FNIP1: variants seen among roughly 807,000 people sequenced by gnomAD.
FNIP1 encodes the protein folliculin-interacting protein 1.
FNIP1 carries 40 observed loss-of-function variants against 124.5 expected under a neutral mutation model. The observed-to-expected ratio is 0.32, with a 90% CI of 0.25 to 0.42. FNIP1 has a LOEUF of 0.42. FNIP1 is among the 10% of genes least tolerant of loss of function. The pLI, the probability that FNIP1 is intolerant of heterozygous loss-of-function variation, is 1.00. For synonymous variants in FNIP1, 472 were observed against 470.6 expected, an observed-to-expected ratio of 1.00 and a Z score of -0.04; for missense variants, 1,176 against 1,403.7, an observed-to-expected ratio of 0.84 and a Z score of 2.59.
At chr5:131,755,435 C>G in intron 1 of FNIP1, among the ~76,000 whole-genome samples, 1 of 140,832 alleles carries the variant, frequency 7.1e-6, no homozygotes. Context: ...AAAAAAAAAA[C>G]GAAGAAGAAG....
At chr5:131,747,389 T>C (rs1206230992) in intron 1 of FNIP1, among the ~76,000 whole-genome samples, 1 of 152,190 alleles carries the variant, frequency 6.6e-6, no homozygotes, top group Non-Finnish European at 1.5e-5. Context: ...AATGTCTGTG[T>C]GCTAGTAAAT....
At position 131,771,069 on chromosome 5, in the gene FNIP1, C is replaced by T. The variant is rs141295268; in HGVS notation, c.92+25761G>A. Among the ~76,000 whole-genome samples, 1,342 of 152,184 alleles carry T rather than the reference C, an allele frequency of 8.8e-3. 24 individuals are homozygous for T. Among genetic ancestry groups the T allele is most frequent in the African/African-American group, 0.031 (1,274 of 41,494 alleles). The stretch of plus-strand genomic sequence containing the variant: ...CGTCATCTAGCATTAGGTATATCTC[C>T]CAACGCTATCCCTCCCCACTCCCCA... On this transcript the variant is annotated intron_variant, in intron 1 of 17. Transcript: ENST00000510461.
intron 1 of FNIP1, among the ~76,000 whole-genome samples, chr5:131,789,440 T>C (rs1772326314): frequency 6.6e-6 from 1 of 152,162 alleles, no homozygotes; most frequent in South Asian, 2.1e-4. Flanking sequence ...AAGCTCAAAA[T>C]GTGACATAAA....
At position 131,642,048 on chromosome 5, in the gene FNIP1, G is replaced by A. The variant is rs1766732918; in HGVS notation, c.*2637C>T. On this transcript the variant is annotated 3_prime_UTR_variant, in exon 18 of 18. Coordinates refer to ENST00000510461, the MANE Select transcript of FNIP1 (RefSeq NM_133372.3). Reference sequence around the variant, plus strand: ...GAAATATTTAAAATCAAACCAATTAGTTTATATACAAGAAAAAATTAGTTT... The same window carrying A: ...GAAATATTTAAAATCAAACCAATTAATTTATATACAAGAAAAAATTAGTTT... The A allele has an allele frequency of 1.3e-5, 2 of 152,402 alleles. No homozygotes were observed. The highest frequency in any genetic ancestry group is 2.1e-4 in the South Asian group (1 of 4,822). The allele number at this position is 152,402 out of a possible 1,614,324, so 9.4% of individuals were successfully genotyped here.
At chr5:131,644,897 A>G in intron 17 of FNIP1, 134 bp from the exon 18 acceptor site, 1 of 712,916 alleles carries the variant, frequency 1.4e-6, no homozygotes, top group Non-Finnish European at 2.3e-6. Flanking sequence ...GCCGAAAGGA[A>G]AAATTCTCAG....
At chr5:131,669,832 C>T (rs1453351316) in intron 15 of FNIP1, among the ~76,000 whole-genome samples, 1 of 151,586 alleles carries the variant, frequency 6.6e-6, no homozygotes, top group East Asian at 1.9e-4. Context: ...ATGTCTTTCC[C>T]CTAAGATCAG....
intron 1 of FNIP1, among the ~76,000 whole-genome samples, chr5:131,776,761 A>C (rs1439998711): frequency 1.3e-5 from 2 of 152,206 alleles, no homozygotes; most frequent in African/African-American, 4.8e-5. Flanking sequence ...CCCCAGGCAA[A>C]GATGAGGGAG....
At chr5:131,762,740 G>A (rs544873976) in intron 1 of FNIP1, among the ~76,000 whole-genome samples, 2 of 152,196 alleles carry the variant, frequency 1.3e-5, no homozygotes, top group African/African-American at 2.4e-5. Flanking sequence ...CAATCCCACT[G>A]CTAAGCATAT....
chr5:131,773,319 T>G (rs1171446377), intron 1 of FNIP1, among the ~76,000 whole-genome samples: 1 of 152,160 alleles, frequency 6.6e-6, no homozygotes, highest in Non-Finnish European at 1.5e-5. Flanking sequence ...TCAATTATTA[T>G]ATAACTACCC....
chr5:131,662,544 T>C (rs1436202321), intron 15 of FNIP1, among the ~76,000 whole-genome samples: 1 of 152,176 alleles, frequency 6.6e-6, no homozygotes, highest in African/African-American at 2.4e-5. Flanking sequence ...TGTAGGTCAG[T>C]TGCAAAGGCT....
chr5:131,730,946 C>A lies in FNIP1; in HGVS notation c.312G>T (p.Val104=). ...GGTCTTTTATATCAGAAGATGAAGTCACAGAACTATCTAAAGAGGAAGAAC... is the reference window on the plus strand; with the variant it reads ...GGTCTTTTATATCAGAAGATGAAGTAACAGAACTATCTAAAGAGGAAGAAC... ...GDSSSSLDSS[V]TSSSDIKDQC... is the part of the protein sequence containing the mutation. The change falls in exon 3 of 18, where the codon GTG becomes GTT. Residue 104 remains valine, a synonymous_variant. Coordinates refer to ENST00000510461, the MANE Select transcript of FNIP1 (RefSeq NM_133372.3). 2 of 1,612,058 alleles carry A rather than the reference C, an allele frequency of 1.2e-6. No individual in the cohort carries two copies. The highest frequency in any genetic ancestry group is 1.7e-6 in the Non-Finnish European group (2 of 1,179,022).
chr5:131,757,492 G>A (rs534095402), intron 1 of FNIP1, among the ~76,000 whole-genome samples: 32 of 152,284 alleles, frequency 2.1e-4, no homozygotes, highest in African/African-American at 4.8e-4. Context: ...GCCTCATAAA[G>A]AACAGGTTTT....
intron 1 of FNIP1, among the ~76,000 whole-genome samples, chr5:131,767,343 C>T (rs1457186008): frequency 7.3e-6 from 1 of 137,152 alleles, no homozygotes; most frequent in Admixed American, 8.2e-5. Flanking sequence ...GCGGGAGAAT[C>T]GCTTGAACCT....
chr5:131,780,026 C>A (rs1334485243), intron 1 of FNIP1, among the ~76,000 whole-genome samples: 1 of 151,766 alleles, frequency 6.6e-6, no homozygotes, highest in Non-Finnish European at 1.5e-5. Context: ...CATGGTGAAA[C>A]CCTGTCTCTA....
chr5:131,774,924 T>C lies in FNIP1; in HGVS notation c.92+21906A>G, dbSNP rs147756015. Among the ~76,000 whole-genome samples, 674 of 152,348 alleles carry C rather than the reference T, an allele frequency of 4.4e-3. 12 individuals are homozygous for C. Among genetic ancestry groups the C allele is most frequent in the African/African-American group, 0.016 (655 of 41,576 alleles). ...GCTCTCTAACTGCTATGGTATCTTC[T>C]ATTAATTTATAACTTATTAGTAATG... On this transcript the variant is annotated intron_variant, in intron 1 of 17. Coordinates refer to ENST00000510461, the MANE Select transcript of FNIP1 (RefSeq NM_133372.3).
chr5:131,646,688 T>TG (rs1477519740), intron 17 of FNIP1, among the ~76,000 whole-genome samples: 1 of 152,046 alleles, frequency 6.6e-6, no homozygotes, highest in South Asian at 2.1e-4. Context: ...ATATAGTTAA[T>TG]GGGGGGGAAG....
chr5:131,703,962 T>A (rs773832446), intron 10 of FNIP1, 103 bp downstream of exon 10: 4 of 986,402 alleles, frequency 4.1e-6, no homozygotes, highest in Admixed American at 5.5e-5. Context: ...ATAGGACACA[T>A]GCACAACGTC....
At chr5:131,652,779 T>C (rs1767079062) in intron 15 of FNIP1, among the ~76,000 whole-genome samples, 1 of 151,946 alleles carries the variant, frequency 6.6e-6, no homozygotes, top group Non-Finnish European at 1.5e-5. Flanking sequence ...CTGAGCAACA[T>C]AGCCAGACCT....
chr5:131,735,498 TAAA>T (rs1770263296), intron 2 of FNIP1, among the ~76,000 whole-genome samples: 1 of 148,510 alleles, frequency 6.7e-6, no homozygotes, highest in Admixed American at 6.8e-5. Flanking sequence ...TATATACGTA[TAAA>T]ATATGTATAT....
Sources: gnomAD v4.1 joint callset for allele counts (sites outside exome capture counted in the v4.1 genomes callset) on GRCh38, gnomAD v4.1.1 for gene constraint, MANE v1.5 for transcripts, NCBI Gene and HGNC (gene_info 2026-07-23, HGNC 2026-07-21) for gene names.